CHL1: variants seen among roughly 807,000 people sequenced by gnomAD.
CHL1 encodes cell adhesion molecule L1 like.
A neutral mutation model predicts 141.9 loss-of-function variants in CHL1; 96 were observed. That is an observed-to-expected ratio of 0.68 (90% confidence interval 0.57 to 0.80). The LOEUF (loss-of-function observed/expected upper bound fraction) is 0.80. Among genes scored for constraint, CHL1 ranks in the 30% least tolerant of loss-of-function variants. The probability of loss-of-function intolerance (pLI) is 0.00; values close to 1 mark genes in which losing one functional copy is unlikely to be tolerated. For synonymous variants in CHL1, 613 were observed against 502.2 expected (o/e 1.22, Z -2.95); for missense variants, 1,820 against 1,457.2 (o/e 1.25, Z -4.05).
At chr3:267,374 A>G (rs1695248806) in intron 2 of CHL1, among the ~76,000 whole-genome samples, 1 of 152,092 alleles carries the variant, frequency 6.6e-6, no homozygotes, top group Non-Finnish European at 1.5e-5. Flanking sequence ...TAACCACCAT[A>G]AGGTGATTTA....
chr3:405,449 T>C (rs752693950), intron 27 of CHL1, 46 bp from the exon 28 acceptor site: 4 of 1,245,570 alleles, frequency 3.2e-6, no homozygotes, highest in Non-Finnish European at 4.7e-6. Flanking sequence ...TACATGAATA[T>C]TAATATTAGA....
intron 10 of CHL1, among the ~76,000 whole-genome samples, chr3:354,355 T>C (rs1559299143): frequency 6.6e-6 from 1 of 152,170 alleles, no homozygotes; most frequent in East Asian, 1.9e-4. Context: ...GCTACTTGTA[T>C]AGCTAAATAA....
intron 15 of CHL1, among the ~76,000 whole-genome samples, chr3:369,518 C>T (rs1370541204): frequency 1.3e-5 from 2 of 152,208 alleles, no homozygotes; most frequent in African/African-American, 4.8e-5. Context: ...ACGGGGTTTT[C>T]TAAATATAAA....
intron 2 of CHL1, among the ~76,000 whole-genome samples, chr3:292,732 G>A (rs1697804296): frequency 6.6e-6 from 1 of 152,226 alleles, no homozygotes; most frequent in Non-Finnish European, 1.5e-5. Flanking sequence ...ACTCATGGTG[G>A]AAGGTGAAGC....
At chr3:337,557 C>A (rs1427984876) in intron 5 of CHL1, among the ~76,000 whole-genome samples, 2 of 150,766 alleles carry the variant, frequency 1.3e-5, no homozygotes, top group Non-Finnish European at 3.0e-5. Flanking sequence ...TGATGTCCCC[C>A]TTCCTATGTC....
intron 2 of CHL1, among the ~76,000 whole-genome samples, chr3:316,019 G>A (rs932180724): frequency 1.3e-5 from 2 of 151,968 alleles, no homozygotes; most frequent in Non-Finnish European, 2.9e-5. Context: ...CCACAGATTG[G>A]TTCGATCAGG....
chr3:253,785 T>C (rs1693914435), intron 2 of CHL1, among the ~76,000 whole-genome samples: 1 of 152,166 alleles, frequency 6.6e-6, no homozygotes, highest in African/African-American at 2.4e-5. Context: ...AGGTTCTCAG[T>C]AAATATTGGA....
intron 5 of CHL1, among the ~76,000 whole-genome samples, chr3:332,223 T>C (rs1701496156): frequency 6.6e-6 from 1 of 152,128 alleles, no homozygotes; most frequent in Non-Finnish European, 1.5e-5. Flanking sequence ...AAAAATACTA[T>C]TCAATAGTAA....
intron 2 of CHL1, among the ~76,000 whole-genome samples, chr3:305,978 A>G (rs1699194226): frequency 6.6e-6 from 1 of 152,218 alleles, no homozygotes. Context: ...TATTTAAGTA[A>G]ACTGCACATT....
In CHL1 at chr3:383,837, A is replaced by C. The variant is rs1262848391; in HGVS notation, c.2198A>C (p.Asn733Thr). 1.9e-6 allele frequency: 3 copies of C among 1,610,548 alleles called. No homozygotes were observed. The highest frequency in any genetic ancestry group is 2.7e-5 in the African/African-American group (2 of 74,834). Residue 733 changes from asparagine (N) to threonine (T), a missense_variant, in exon 19 of 28, where the codon AAC becomes ACC. By Grantham distance (65) the Asn-to-Thr change is moderately conservative. Coordinates refer to ENST00000256509, the MANE Select transcript of CHL1 (RefSeq NM_006614.4). Reference sequence around the variant, plus strand: ...TCAGCTCCAGATAGGAATCCACAAAACATAAGGGTTCAAGCCTCTCAACCC... The same window carrying C: ...TCAGCTCCAGATAGGAATCCACAAACCATAAGGGTTCAAGCCTCTCAACCC... ...PPAAPDRNPQ[N>T]IRVQASQPKE... is the part of the protein sequence containing the mutation.
intron 2 of CHL1, among the ~76,000 whole-genome samples, chr3:276,612 G>A (rs1316355250): frequency 2.6e-5 from 4 of 152,134 alleles, no homozygotes; most frequent in Admixed American, 1.3e-4. Context: ...CTCTGGGGCT[G>A]GGCACGGTGG....
rs903872668 is a variant in CHL1, at chr3:208,236, T to G, written c.-175+11173T>G. 2.3e-4 allele frequency among the ~76,000 whole-genome samples: 35 copies of G among 152,230 alleles called. 1 individual carries two copies. The highest frequency in any genetic ancestry group is 7.3e-5 in the Non-Finnish European group (5 of 68,036). On this transcript the variant is annotated intron_variant, in intron 1 of 27. Coordinates refer to ENST00000256509, the MANE Select transcript of CHL1 (RefSeq NM_006614.4). ...GCTTTGAAGATAAAGGTGCCAGCTA[T>G]TATTATTACTAATAAACCATTTTTT... is the stretch of plus-strand genomic sequence containing the variant.
Position 291,262 on chromosome 3 carries a change from C to T in CHL1, c.-94-28421C>T, listed in dbSNP as rs141733394. Among the ~76,000 whole-genome samples, 15 of 152,076 alleles carry T rather than the reference C, an allele frequency of 9.9e-5. No homozygotes were observed. The East Asian group carries it at 2.3e-3, about 24-fold the overall frequency. On this transcript the variant is annotated intron_variant, in intron 2 of 27. Coordinates refer to ENST00000256509, the MANE Select transcript of CHL1 (RefSeq NM_006614.4). ...CTTTTGAATTTATTTATCCTGGAGA[C>T]ACAAAACTTAAACTCATAATGATGT...
intron 1 of CHL1, among the ~76,000 whole-genome samples, chr3:225,599 A>ATTAC (rs10658690): frequency 0.96 from 146,510 of 152,042 alleles, 70,731 homozygotes; most frequent in East Asian, 1. Context: ...ACACAGTTCA[A>ATTAC]TTACACAGAC....
At chr3:227,404 G>A (rs530331750) in intron 1 of CHL1, among the ~76,000 whole-genome samples, 1 of 152,260 alleles carries the variant, frequency 6.6e-6, no homozygotes, top group East Asian at 1.9e-4. Flanking sequence ...GAGCAAAAGA[G>A]GGAAGACAAA....
Position 407,509 on chromosome 3 carries a change from C to G in CHL1, c.*1798C>G, listed in dbSNP as rs779397142. ...GGGGGAAGGCAGTGTGGTCCCTACC[C>G]TGTGTGAATGTGAGGATGTAGACAT... On this transcript the variant is annotated 3_prime_UTR_variant, in exon 28 of 28. Transcript: ENST00000256509. 1 of 152,084 alleles carries G rather than the reference C, an allele frequency of 6.6e-6. No individual in the cohort carries two copies. Among genetic ancestry groups the G allele is most frequent in the Non-Finnish European group, 1.5e-5 (1 of 68,018 alleles). The allele number at this position is 152,084 out of a possible 1,614,324, so 9.4% of individuals were successfully genotyped here.
intron 1 of CHL1, among the ~76,000 whole-genome samples, chr3:218,565 G>A (rs747197301): frequency 6.6e-6 from 1 of 152,096 alleles, no homozygotes; most frequent in Non-Finnish European, 1.5e-5. Flanking sequence ...ACAAATTCCT[G>A]CCCTAAGTTT....
chr3:298,039 G>A (rs2124874183), intron 2 of CHL1, among the ~76,000 whole-genome samples: 1 of 152,174 alleles, frequency 6.6e-6, no homozygotes, highest in East Asian at 1.9e-4. Context: ...ACTCCAAAGT[G>A]GACTTGTTTC....
In CHL1 at chr3:398,326, C is replaced by T; in HGVS notation, c.3194C>T (p.Thr1065Ile). Reference sequence around the variant, plus strand: ...GCTGAACATATAGTTCGCCTAATGACTAAGAATTGGGGCGATAATGATAGC... The same window carrying T: ...GCTGAACATATAGTTCGCCTAATGATTAAGAATTGGGGCGATAATGATAGC... ...PGAEHIVRLMTKNWGDNDSIF... is the reference protein window; with the variant it reads ...PGAEHIVRLMIKNWGDNDSIF... Residue 1065 changes from threonine to isoleucine, a missense_variant, in exon 25 of 28, where the codon ACT becomes ATT. Physicochemically the swap from Thr to Ile is moderately conservative, Grantham distance 89. Transcript: ENST00000256509. The T allele has an allele frequency of 1.2e-6, 2 of 1,608,196 alleles. No individual in the cohort carries two copies. The highest frequency in any genetic ancestry group is 1.7e-6 in the Non-Finnish European group (2 of 1,174,770).
Sources: gnomAD v4.1 joint callset for allele counts (sites outside exome capture counted in the v4.1 genomes callset) on GRCh38, gnomAD v4.1.1 for gene constraint, MANE v1.5 for transcripts, NCBI Gene and HGNC (gene_info 2026-07-23, HGNC 2026-07-21) for gene names.